Variants in NDUFB9 observed in about 807,000 individuals in gnomAD.
NDUFB9 encodes NADH dehydrogenase [ubiquinone] 1 beta subcomplex subunit 9.
A neutral mutation model predicts 30.2 loss-of-function variants in NDUFB9; 24 were observed. That is an observed-to-expected ratio of 0.80 (90% CI 0.58 to 1.12). NDUFB9 has a LOEUF of 1.12. Ranked by LOEUF, NDUFB9 falls within the 50% of genes most tolerant of loss-of-function variation. The pLI is 0.00. For synonymous variants in NDUFB9, 80 were observed against 84.0 expected, an observed-to-expected ratio of 0.95 and a Z score of 0.26; for missense variants, 204 against 226.0, an observed-to-expected ratio of 0.90 and a Z score of 0.62.
chr8:124,540,277 A>G (rs1228033842), intron 1 of NDUFB9, among the ~76,000 whole-genome samples: 1 of 150,422 alleles, frequency 6.6e-6, no homozygotes, highest in African/African-American at 2.4e-5. Flanking sequence ...TTATTTATTT[A>G]TTGATTTGAC....
At chr8:124,548,612 T>A (rs1337004829) in intron 3 of NDUFB9, among the ~76,000 whole-genome samples, 1 of 152,194 alleles carries the variant, frequency 6.6e-6, no homozygotes, top group African/African-American at 2.4e-5. Context: ...TTAGCAATAC[T>A]AAGCTGTATG....
At chr8:124,545,305 C>G (rs1178070702) in intron 2 of NDUFB9, among the ~76,000 whole-genome samples, 1 of 152,150 alleles carries the variant, frequency 6.6e-6, no homozygotes, top group African/African-American at 2.4e-5. Context: ...GGGTAAAATG[C>G]TATCAAATGG....
intron 1 of NDUFB9, among the ~76,000 whole-genome samples, chr8:124,539,732 T>G (rs1476534346): frequency 2.0e-5 from 3 of 152,214 alleles, no homozygotes; most frequent in Non-Finnish European, 4.4e-5. Context: ...ATTTTACAGA[T>G]AAGAAGATGA....
chr8:124,542,990 A>G (rs1822058695), intron 1 of NDUFB9, 97 bp from the exon 2 acceptor site: 1 of 1,329,250 alleles, frequency 7.5e-7, no homozygotes, highest in Non-Finnish European at 1.1e-6. Flanking sequence ...TCCACTGCCC[A>G]TCCAGAAGGT....
Position 124,543,286 on chromosome 8 carries a change from G to C in NDUFB9, c.294+7G>C, listed in dbSNP as rs762509689. 1 of 1,610,938 alleles carries C rather than the reference G, an allele frequency of 6.2e-7. No individual in the cohort carries two copies. Among genetic ancestry groups the C allele is most frequent in the African/African-American group, 1.3e-5 (1 of 74,858 alleles). ...GAGATACGATTGCTACAAGGTAGGTGAGAATTATGATGACTGCCTTCTGAG... is the reference window on the plus strand; with the variant it reads ...GAGATACGATTGCTACAAGGTAGGTCAGAATTATGATGACTGCCTTCTGAG... On this transcript the variant is annotated splice_region_variant and intron_variant, in intron 2 of 3. Transcript: ENST00000276689.
intron 1 of NDUFB9, 97 bp downstream of exon 1, chr8:124,539,384 A>G (rs1028490770): frequency 1.8e-6 from 2 of 1,105,808 alleles, no homozygotes. Flanking sequence ...GACTTCGGGA[A>G]CGGAATTGGA....
intron 1 of NDUFB9, chr8:124,539,489 C>A (rs1821834768): frequency 1.7e-6 from 1 of 579,770 alleles, no homozygotes; most frequent in Admixed American, 3.0e-5. Context: ...AGTTGCTTGT[C>A]GGGTCTGGGC....
chr8:124,539,953 A>G (rs1001979969), intron 1 of NDUFB9, among the ~76,000 whole-genome samples: 7 of 152,176 alleles, frequency 4.6e-5, no homozygotes, highest in Admixed American at 4.6e-4. Context: ...GACTAGTCTG[A>G]GAACATAGTG....
chr8:124,543,468 C>A (rs1358886741), intron 2 of NDUFB9, among the ~76,000 whole-genome samples, 189 bp downstream of exon 2: 1 of 152,178 alleles, frequency 6.6e-6, no homozygotes. Context: ...ATTGTATTTT[C>A]ACAGATTGAA....
chr8:124,545,989 T>C (rs1351973104), intron 2 of NDUFB9, among the ~76,000 whole-genome samples: 1 of 152,304 alleles, frequency 6.6e-6, no homozygotes, highest in East Asian at 1.9e-4. Flanking sequence ...ATTACAGGCA[T>C]GTACCACTAT....
chr8:124,542,485 A>G (rs1362630631), intron 1 of NDUFB9, among the ~76,000 whole-genome samples: 2 of 152,130 alleles, frequency 1.3e-5, no homozygotes, highest in African/African-American at 2.4e-5. Context: ...TGTCACCATC[A>G]CAGCTCCGTA....
In NDUFB9 at chr8:124,539,255, G is replaced by A; in HGVS notation, c.69G>A (p.Ala23=). 1 of 1,614,232 alleles carries A rather than the reference G, an allele frequency of 6.2e-7. No homozygotes were observed. The highest frequency in any genetic ancestry group is 8.5e-7 in the Non-Finnish European group (1 of 1,180,034). ...QQKVLRLYKR[A]LRHLESWCVQ... ...AGGTGTTGCGGCTTTATAAGCGGGC[G>A]CTACGCCACCTCGAGTCGTGGTGCG... Residue 23 remains alanine, a synonymous_variant, in exon 1 of 4, where the codon GCG becomes GCA. Coordinates refer to ENST00000276689, the MANE Select transcript of NDUFB9 (RefSeq NM_005005.3).
At position 124,549,815 on chromosome 8, in the gene NDUFB9, C is replaced by A. The variant is rs925703332; in HGVS notation, c.463C>A (p.Pro155Thr). ...TGGTGGTCCTTTAACTGAAGCTTTG[C>A]CCCCTGCCCGAAAGGAAGGTGATTT... is the stretch of plus-strand genomic sequence containing the variant. The part of the protein sequence containing the change: ...PPGGPLTEAL[P>T]PARKEGDLPP... Residue 155 changes from proline (P) to threonine (T), a missense_variant, in exon 4 of 4, where the codon CCC becomes ACC. Coordinates refer to ENST00000276689, the MANE Select transcript of NDUFB9 (RefSeq NM_005005.3). 5.0e-6 allele frequency: 8 copies of A among 1,614,112 alleles called. No homozygotes were observed. The highest frequency in any genetic ancestry group is 6.8e-6 in the Non-Finnish European group (8 of 1,179,996).
At chr8:124,539,486 T>C (rs1821834461) in intron 1 of NDUFB9, 199 bp downstream of exon 1, 1 of 590,040 alleles carries the variant, frequency 1.7e-6, no homozygotes, top group African/African-American at 1.9e-5. Flanking sequence ...TAGAGTTGCT[T>C]GTCGGGTCTG....
At chr8:124,540,366 A>C (rs1486857430) in intron 1 of NDUFB9, among the ~76,000 whole-genome samples, 1 of 152,234 alleles carries the variant, frequency 6.6e-6, no homozygotes, top group Non-Finnish European at 1.5e-5. Flanking sequence ...GCAGCAGCTC[A>C]CGGATTAGTG....
intron 1 of NDUFB9, among the ~76,000 whole-genome samples, chr8:124,541,023 A>G (rs1459968316): frequency 2.0e-5 from 3 of 152,094 alleles, no homozygotes; most frequent in Non-Finnish European, 2.9e-5. Context: ...AAAATTAGCC[A>G]GGCGTGGTGG....
intron 3 of NDUFB9, among the ~76,000 whole-genome samples, chr8:124,548,667 A>G (rs1335139682): frequency 6.6e-6 from 1 of 152,198 alleles, no homozygotes; most frequent in Non-Finnish European, 1.5e-5. Context: ...TGTTGCTCAG[A>G]GAGTGACAAG....
chr8:124,545,389 T>G (rs924848199), intron 2 of NDUFB9, among the ~76,000 whole-genome samples: 1 of 152,184 alleles, frequency 6.6e-6, no homozygotes, highest in African/African-American at 2.4e-5. Flanking sequence ...TTTAGGAAAT[T>G]GCCAAAGCCA....
chr8:124,549,697 G>C, intron 3 of NDUFB9, 64 bp from the exon 4 acceptor site: 1 of 1,513,438 alleles, frequency 6.6e-7, no homozygotes, highest in East Asian at 2.3e-5. Flanking sequence ...CTTCACTGCA[G>C]CAGACAGATT....
Sources: allele counts gnomAD v4.1 joint callset (sites outside exome capture counted in the v4.1 genomes callset), GRCh38; gene constraint gnomAD v4.1.1; transcripts MANE v1.5; gene names NCBI Gene and HGNC (gene_info 2026-07-23, HGNC 2026-07-21).